The following ENOPH1 variants were observed in gnomAD, a reference collection of about 807,000 sequenced individuals.
ENOPH1 encodes the protein enolase-phosphatase 1.
In ENOPH1, 14 loss-of-function variants were observed where a neutral mutation model predicts 31.1. That is an observed-to-expected ratio of 0.45 (90% CI 0.30 to 0.70). The LOEUF is 0.70. ENOPH1 is among the 30% of genes least tolerant of loss of function. ENOPH1 has a pLI of 0.09. For synonymous variants in ENOPH1, 127 were observed against 123.2 expected (o/e 1.03, Z -0.21); for missense variants, 243 against 321.5 (o/e 0.76, Z 1.87).
chr4:82,438,058 G>A (rs1215479594), intron 1 of ENOPH1, among the ~76,000 whole-genome samples: 1 of 152,124 alleles, frequency 6.6e-6, no homozygotes, highest in African/African-American at 2.4e-5. Flanking sequence ...TCATAAAAGA[G>A]AAAATTTTAT....
At chr4:82,432,916 C>T (rs921085538) in intron 1 of ENOPH1, among the ~76,000 whole-genome samples, 2 of 152,224 alleles carry the variant, frequency 1.3e-5, no homozygotes, top group Admixed American at 1.3e-4. Context: ...GACCTTCCCC[C>T]ACGTTTTTAA....
At chr4:82,440,397 G>C (rs1298379150) in intron 1 of ENOPH1, among the ~76,000 whole-genome samples, 1 of 152,204 alleles carries the variant, frequency 6.6e-6, no homozygotes, top group African/African-American at 2.4e-5. Flanking sequence ...TCACCCGTGA[G>C]AGCTGGATGG....
chr4:82,433,958 C>A (rs1721839790), intron 1 of ENOPH1, among the ~76,000 whole-genome samples: 1 of 152,090 alleles, frequency 6.6e-6, no homozygotes, highest in Admixed American at 6.6e-5. Context: ...AACTTGTAGC[C>A]CTTCCTTCTG....
chr4:82,430,612 T>C lies in ENOPH1; in HGVS notation c.-218T>C, dbSNP rs916287591. ...GTGGTCTCGGGCTCCTGCCCCGTCCTGCTCACGAGTTCAGGGCTCCTGGGC... is the reference window on the plus strand; with the variant it reads ...GTGGTCTCGGGCTCCTGCCCCGTCCCGCTCACGAGTTCAGGGCTCCTGGGC... On this transcript the variant is annotated 5_prime_UTR_variant, in exon 1 of 6. Transcript: ENST00000273920. The C allele has an allele frequency of 7.2e-6, 4 of 556,474 alleles. No individual in the cohort carries two copies. Among genetic ancestry groups the C allele is most frequent in the African/African-American group, 1.9e-5 (1 of 51,400 alleles). The allele number at this position is 556,474 out of a possible 1,614,324, so 34.5% of individuals were successfully genotyped here.
intron 4 of ENOPH1, among the ~76,000 whole-genome samples, chr4:82,456,173 G>A (rs1471621856): frequency 6.9e-6 from 1 of 144,068 alleles, no homozygotes; most frequent in East Asian, 2.0e-4. Flanking sequence ...AAGAAAATAA[G>A]CAAAATCAGT....
chr4:82,433,861 T>G (rs988584361), intron 1 of ENOPH1, among the ~76,000 whole-genome samples: 1 of 152,230 alleles, frequency 6.6e-6, no homozygotes, highest in Non-Finnish European at 1.5e-5. Flanking sequence ...GATGCTGAGT[T>G]ACATTCTTGA....
intron 1 of ENOPH1, among the ~76,000 whole-genome samples, chr4:82,435,414 A>T (rs968140861): frequency 1.3e-5 from 2 of 152,102 alleles, no homozygotes; most frequent in Non-Finnish European, 2.9e-5. Context: ...AATTTTTAAA[A>T]TTTTTTGCAG....
intron 2 of ENOPH1, among the ~76,000 whole-genome samples, chr4:82,449,773 A>T (rs1355237276): frequency 6.6e-6 from 1 of 152,108 alleles, no homozygotes; most frequent in Non-Finnish European, 1.5e-5. Flanking sequence ...TCCTTACTGC[A>T]AGCCCCTGCT....
chr4:82,455,153 C>T (rs1339389589), intron 4 of ENOPH1, among the ~76,000 whole-genome samples: 1 of 152,150 alleles, frequency 6.6e-6, no homozygotes, highest in Non-Finnish European at 1.5e-5. Context: ...AAGGTGCACT[C>T]ATTTGTTTCT....
chr4:82,438,153 C>T (rs1721955262), intron 1 of ENOPH1, among the ~76,000 whole-genome samples: 1 of 151,788 alleles, frequency 6.6e-6, no homozygotes, highest in Non-Finnish European at 1.5e-5. Context: ...GGTTTTTCTA[C>T]CCCCCCAAAT....
chr4:82,447,636 A>G (rs1722229927), intron 1 of ENOPH1, among the ~76,000 whole-genome samples: 1 of 152,240 alleles, frequency 6.6e-6, no homozygotes, highest in South Asian at 2.1e-4. Flanking sequence ...GTAGCCACAG[A>G]CATTATTTAA....
chr4:82,454,422 G>A (rs911489066), intron 3 of ENOPH1, among the ~76,000 whole-genome samples: 1 of 151,946 alleles, frequency 6.6e-6, no homozygotes, highest in Non-Finnish European at 1.5e-5. Flanking sequence ...TGAGTTCTTC[G>A]GGAATTTAAA....
chr4:82,441,277 ATT>A (rs1722031939), intron 1 of ENOPH1, among the ~76,000 whole-genome samples: 1 of 152,132 alleles, frequency 6.6e-6, no homozygotes, highest in Admixed American at 6.6e-5. Flanking sequence ...GCAAAGGGAT[ATT>A]TTATATGGTG....
chr4:82,441,876 A>G (rs1722052027), intron 1 of ENOPH1, among the ~76,000 whole-genome samples: 2 of 152,242 alleles, frequency 1.3e-5, no homozygotes, highest in South Asian at 4.1e-4. Context: ...GGCAGTAAAC[A>G]TCTGTGGGAA....
intron 4 of ENOPH1, 107 bp downstream of exon 4, chr4:82,454,961 T>G (rs1435476820): frequency 3.3e-5 from 35 of 1,068,170 alleles, no homozygotes; most frequent in Non-Finnish European, 1.3e-5. Context: ...TTTTTTTGGT[T>G]GTTTAAAATT....
intron 2 of ENOPH1, among the ~76,000 whole-genome samples, chr4:82,448,450 T>C (rs1722256094): frequency 2.0e-5 from 3 of 151,516 alleles, no homozygotes. Context: ...TTAGTGGAGA[T>C]TGGGTTTCAC....
At chr4:82,454,643 A>G in intron 3 of ENOPH1, 79 bp from the exon 4 acceptor site, 1 of 1,488,788 alleles carries the variant, frequency 6.7e-7, no homozygotes, top group Non-Finnish European at 9.1e-7. Context: ...AGAGAGAAAC[A>G]TATGGCATCT....
chr4:82,454,646 T>C (rs1722436085), intron 3 of ENOPH1, 76 bp from the exon 4 acceptor site: 9 of 1,492,712 alleles, frequency 6.0e-6, no homozygotes, highest in Non-Finnish European at 8.1e-6. Flanking sequence ...GAGAAACATA[T>C]GGCATCTGTT....
At chr4:82,431,587 C>T (rs1243858095) in intron 1 of ENOPH1, among the ~76,000 whole-genome samples, 1 of 152,202 alleles carries the variant, frequency 6.6e-6, no homozygotes, top group Non-Finnish European at 1.5e-5. Context: ...TCTAGGATGT[C>T]ACTGTGAACC....
Sources: allele counts gnomAD v4.1 joint callset (sites outside exome capture counted in the v4.1 genomes callset), GRCh38; gene constraint gnomAD v4.1.1; transcripts MANE v1.5; gene names NCBI Gene and HGNC (gene_info 2026-07-23, HGNC 2026-07-21).